Variants in ZMYM2 observed in about 807,000 individuals in gnomAD.
The protein encoded by ZMYM2 is zinc finger MYM-type protein 2.
Under a neutral mutation model 162.8 loss-of-function variants are expected in ZMYM2, and 56 were observed. That is an observed-to-expected ratio of 0.34 (90% CI 0.28 to 0.43). The LOEUF is 0.43. ZMYM2 is among the 20% of genes least tolerant of loss of function. ZMYM2 has a pLI of 1.00. For synonymous variants in ZMYM2, 510 were observed against 541.6 expected, an observed-to-expected ratio of 0.94 and a Z score of 0.81; for missense variants, 1,275 against 1,621.8, an observed-to-expected ratio of 0.79 and a Z score of 3.67.
At chr13:19,912,207 A>ACTCTCACTGTGCTACACTCTCACTGT in the ZMYM2 span, among the ~76,000 whole-genome samples, 1 of 151,068 alleles carries the variant, frequency 6.6e-6, no homozygotes, top group Non-Finnish European at 1.5e-5. Flanking sequence ...TGGCAAGGCC[A>ACTCTCACTGTGCTACACTCTCACTGT]GTAATACACT....
At chr13:20,068,005 A>G (rs1206355845) in intron 21 of ZMYM2, 1 of 166,210 alleles carries the variant, frequency 6.0e-6, no homozygotes, top group Non-Finnish European at 1.3e-5. Flanking sequence ...TATTCTGCTA[A>G]CAGGTGTTAG....
intron 21 of ZMYM2, among the ~76,000 whole-genome samples, chr13:20,076,475 G>A (rs2140988897): frequency 6.6e-6 from 1 of 150,538 alleles, no homozygotes; most frequent in South Asian, 2.1e-4. Context: ...AAATGTTTGA[G>A]GATCTTTTTG....
At chr13:20,048,922 T>G (rs1448397403) in intron 12 of ZMYM2, among the ~76,000 whole-genome samples, 1 of 151,998 alleles carries the variant, frequency 6.6e-6, no homozygotes, top group African/African-American at 2.4e-5. Flanking sequence ...TCCCATTTAT[T>G]TCATTTTTTA....
intron 9 of ZMYM2, among the ~76,000 whole-genome samples, chr13:20,030,391 T>C (rs1221390645): frequency 2.3e-5 from 3 of 129,386 alleles, no homozygotes; most frequent in Non-Finnish European, 3.2e-5. Context: ...GCCACCATGC[T>C]CAGCTAATTT....
intron 21 of ZMYM2, among the ~76,000 whole-genome samples, chr13:20,079,905 G>A (rs890648170): frequency 2.0e-5 from 3 of 151,696 alleles, no homozygotes; most frequent in Non-Finnish European, 4.4e-5. Flanking sequence ...TATTACACAT[G>A]TTGCTTTATG....
intron 2 of ZMYM2, among the ~76,000 whole-genome samples, chr13:19,966,528 C>T (rs918006353): frequency 6.6e-5 from 10 of 151,276 alleles, no homozygotes; most frequent in Non-Finnish European, 2.9e-5. Flanking sequence ...GATCAGGGCT[C>T]ACCGCAGCCC....
chr13:20,031,218 G>C (rs2140307448), intron 9 of ZMYM2, 101 bp from the exon 10 acceptor site: 2 of 764,934 alleles, frequency 2.6e-6, no homozygotes, highest in East Asian at 6.4e-5. Flanking sequence ...ATCTAAGCAA[G>C]ATGTATATTA....
intron 4 of ZMYM2, among the ~76,000 whole-genome samples, chr13:20,003,466 CCT>C (rs1318308778): frequency 6.6e-6 from 1 of 151,936 alleles, no homozygotes; most frequent in South Asian, 2.1e-4. Context: ...TAAATTTTAC[CCT>C]GTCTTCAGAT....
the ZMYM2 span, among the ~76,000 whole-genome samples, chr13:19,944,188 T>C: frequency 6.6e-6 from 1 of 152,154 alleles, no homozygotes; most frequent in African/African-American, 2.4e-5. Context: ...CAGAGACAGT[T>C]ACTTAGCAAT....
At chr13:20,008,695 CT>C (rs1371723756) in intron 6 of ZMYM2, among the ~76,000 whole-genome samples, 1 of 152,092 alleles carries the variant, frequency 6.6e-6, no homozygotes, top group African/African-American at 2.4e-5. Flanking sequence ...TTATTTGGTA[CT>C]TTTGCATTGA....
At chr13:20,052,791 A>G (rs1213249958) in intron 14 of ZMYM2, among the ~76,000 whole-genome samples, 1 of 152,236 alleles carries the variant, frequency 6.6e-6, no homozygotes, top group Non-Finnish European at 1.5e-5. Context: ...TATTTGGCAG[A>G]ACTACTTACT....
At chr13:19,987,316 T>C (rs1949238721) in intron 2 of ZMYM2, among the ~76,000 whole-genome samples, 1 of 151,576 alleles carries the variant, frequency 6.6e-6, no homozygotes, top group Non-Finnish European at 1.5e-5. Flanking sequence ...CAGGCTGGAG[T>C]GCAGTGGCGC....
intron 6 of ZMYM2, among the ~76,000 whole-genome samples, chr13:20,016,400 GATTT>G (rs1455399081): frequency 6.6e-6 from 1 of 152,022 alleles, no homozygotes; most frequent in African/African-American, 2.4e-5. Context: ...ATAAAAAGTG[GATTT>G]ATAAAGCAAA....
intron 2 of ZMYM2, among the ~76,000 whole-genome samples, chr13:19,987,763 G>T (rs1377082884): frequency 6.6e-6 from 1 of 151,916 alleles, no homozygotes; most frequent in African/African-American, 2.4e-5. Flanking sequence ...TTACAGGCGT[G>T]AGCCACCGTG....
chr13:20,076,464 A>G (rs548799135), intron 21 of ZMYM2, among the ~76,000 whole-genome samples: 2 of 150,654 alleles, frequency 1.3e-5, no homozygotes, highest in South Asian at 4.1e-4. Flanking sequence ...TTTCTTTCCC[A>G]AAATGTTTGA....
chr13:19,983,144 T>C (rs1415236654), intron 2 of ZMYM2, among the ~76,000 whole-genome samples: 3 of 147,148 alleles, frequency 2.0e-5, no homozygotes, highest in South Asian at 4.2e-4. Flanking sequence ...TTCCCCACTT[T>C]CACTTTTTTT....
In ZMYM2 at chr13:20,087,583, A is replaced by G. The variant is rs907964730; in HGVS notation, c.*1569A>G. 5.4e-6 allele frequency: 1 copy of G among 185,538 alleles called. No homozygotes were observed. The highest frequency in any genetic ancestry group is 2.3e-5 in the African/African-American group (1 of 42,684). 11.5% of individuals were successfully genotyped at this position (185,538 alleles called of 1,614,324 possible). ...TAGGATAAATGTTACAGCACACAAA[A>G]GAAATTTTCTCAATTCTGATTTGGA... On this transcript the variant is annotated 3_prime_UTR_variant, in exon 25 of 25. Coordinates refer to ENST00000610343, the MANE Select transcript of ZMYM2 (RefSeq NM_197968.4).
the ZMYM2 span, among the ~76,000 whole-genome samples, chr13:19,922,048 G>C: frequency 6.6e-6 from 1 of 152,010 alleles, no homozygotes; most frequent in Admixed American, 6.6e-5. Context: ...TGAGTAACTG[G>C]GATCACAGGC....
At chr13:19,917,470 A>G in the ZMYM2 span, among the ~76,000 whole-genome samples, 1 of 151,752 alleles carries the variant, frequency 6.6e-6, no homozygotes, top group Non-Finnish European at 1.5e-5. Flanking sequence ...CACGCCTGTA[A>G]TCCCAGCTAC....
Sources: allele counts gnomAD v4.1 joint callset (sites outside exome capture counted in the v4.1 genomes callset), GRCh38; gene constraint gnomAD v4.1.1; transcripts MANE v1.5; gene names NCBI Gene and HGNC (gene_info 2026-07-23, HGNC 2026-07-21).